Variants in DSE observed in about 807,000 individuals in gnomAD.
DSE encodes the protein dermatan sulfate epimerase.
Under a neutral mutation model 84.4 loss-of-function variants are expected in DSE, and 36 were observed. The ratio of observed to expected loss-of-function variants is 0.43; its 90% CI spans 0.33 to 0.56. The LOEUF (loss-of-function observed/expected upper bound fraction) is 0.56, where lower values mean the gene tolerates loss of function less well. Among genes scored for constraint, DSE ranks in the 20% least tolerant of loss-of-function variants. DSE has a pLI of 0.06. For synonymous variants in DSE, 410 were observed against 430.1 expected (o/e 0.95, Z 0.58); for missense variants, 862 against 1,169.6 (o/e 0.74, Z 3.84).
chr6:116,260,662 T>C (rs1481295416), intron 2 of DSE, among the ~76,000 whole-genome samples: 1 of 152,140 alleles, frequency 6.6e-6, no homozygotes. Context: ...TTTTTGTGTA[T>C]GGTATAAGGA....
intron 2 of DSE, among the ~76,000 whole-genome samples, chr6:116,355,111 T>A (rs1009157988): frequency 2.0e-5 from 3 of 152,232 alleles, no homozygotes; most frequent in African/African-American, 7.2e-5. Flanking sequence ...TTTTGCTAAT[T>A]TAAACAACAC....
At position 116,278,718 on chromosome 6, in the gene DSE, T is replaced by C. The variant is rs371415913; in HGVS notation, c.-54+19751T>C. On this transcript the variant is annotated intron_variant, in intron 2 of 3. Coordinates refer to the DSE transcript ENST00000430252. Reference sequence around the variant, plus strand: ...AAGTGAAGAAGCTGCAGATGAGGTCTTGGTTTCTGCGAATGAAGGACTGGG... The same window carrying C: ...AAGTGAAGAAGCTGCAGATGAGGTCCTGGTTTCTGCGAATGAAGGACTGGG... The C allele has an allele frequency of 4.6e-5, 75 of 1,614,150 alleles. No individual in the cohort carries two copies. The South Asian group carries it at 5.9e-4, about 13-fold the overall frequency.
chr6:116,343,833 T>C (rs1029851806), intron 2 of DSE, among the ~76,000 whole-genome samples: 2 of 152,112 alleles, frequency 1.3e-5, no homozygotes, highest in Non-Finnish European at 2.9e-5. Flanking sequence ...AATAACAAAC[T>C]TCTCTGAGCT....
intron 2 of DSE, among the ~76,000 whole-genome samples, chr6:116,363,328 T>C (rs1779004246): frequency 6.6e-6 from 1 of 151,720 alleles, no homozygotes; most frequent in Non-Finnish European, 1.5e-5. Flanking sequence ...TAATGACTGA[T>C]CAGAAAGTGA....
At chr6:116,325,640 G>C (rs1484865004) in intron 2 of DSE, among the ~76,000 whole-genome samples, 2 of 152,134 alleles carry the variant, frequency 1.3e-5, no homozygotes, top group African/African-American at 4.8e-5. Context: ...CTGTGGAATT[G>C]TCTTCTGCCC....
intron 2 of DSE, among the ~76,000 whole-genome samples, chr6:116,342,274 T>G (rs1777644584): frequency 7.5e-6 from 1 of 133,006 alleles, no homozygotes; most frequent in Non-Finnish European, 1.5e-5. Flanking sequence ...AGGCTATTAT[T>G]GTTGCTGTTT....
In DSE at chr6:116,436,771, C is replaced by G. The variant is rs192004599; in HGVS notation, c.2303C>G (p.Ala768Gly). The G allele has an allele frequency of 1.2e-5, 20 of 1,614,152 alleles. No homozygotes were observed. The highest frequency in any genetic ancestry group is 1.6e-5 in the Non-Finnish European group (19 of 1,180,022). The stretch of plus-strand genomic sequence containing the variant: ...ATACTGTCCCGAGTCCGGAACACAG[C>G]TAGCTTTAGGAAGACTGCTGAACGC... ...KQILSRVRNT[A>G]SFRKTAERLL... Residue 768 changes from alanine (A) to glycine (G), a missense_variant, in exon 6 of 6, where the codon GCT becomes GGT. Transcript: ENST00000644252.
chr6:116,305,361 T>TG (rs1330376019), intron 2 of DSE, among the ~76,000 whole-genome samples: 1 of 152,316 alleles, frequency 6.6e-6, no homozygotes, highest in East Asian at 1.9e-4. Flanking sequence ...AACATATTGT[T>TG]GCTTTAAAAG....
At chr6:116,294,528 GC>G (rs1774533182) in intron 2 of DSE, among the ~76,000 whole-genome samples, 1 of 151,664 alleles carries the variant, frequency 6.6e-6, no homozygotes, top group South Asian at 2.1e-4. Flanking sequence ...CTGAGGTCAA[GC>G]CAGGTTAATA....
At chr6:116,426,879 G>C in intron 3 of DSE, 52 bp downstream of exon 3, 1 of 1,563,978 alleles carries the variant, frequency 6.4e-7, no homozygotes, top group South Asian at 1.2e-5. Context: ...AGTCATAGTT[G>C]CCATGTTGTG....
At chr6:116,361,671 G>T (rs1312050275) in intron 2 of DSE, among the ~76,000 whole-genome samples, 1 of 151,840 alleles carries the variant, frequency 6.6e-6, no homozygotes, top group Non-Finnish European at 1.5e-5. Flanking sequence ...AGAAAAATTT[G>T]TGTGTGTGTG....
At chr6:116,353,498 A>T (rs561490014) in intron 2 of DSE, among the ~76,000 whole-genome samples, 2 of 152,314 alleles carry the variant, frequency 1.3e-5, no homozygotes, top group East Asian at 3.9e-4. Flanking sequence ...TCTTTAAATA[A>T]ACTTTGTTTC....
At chr6:116,324,533 A>G (rs1776514024) in intron 2 of DSE, among the ~76,000 whole-genome samples, 1 of 152,202 alleles carries the variant, frequency 6.6e-6, no homozygotes, top group South Asian at 2.1e-4. Context: ...GGAAAGCACA[A>G]TTGCTTTAGA....
In DSE at chr6:116,440,000, T is replaced by G. The variant is rs945468342; in HGVS notation, c.*2655T>G. On this transcript the variant is annotated 3_prime_UTR_variant, in exon 6 of 6. Transcript: ENST00000644252. ...TTTATAACTGATTAGCTTATTTCAG[T>G]TGATGGTAGATGAGACCTATGGTGG... 2.6e-5 allele frequency: 4 copies of G among 152,092 alleles called. No homozygotes were observed. Among genetic ancestry groups the G allele is most frequent in the African/African-American group, 9.6e-5 (4 of 41,474 alleles). The allele number at this position is 152,092 out of a possible 1,614,324, so 9.4% of individuals were successfully genotyped here.
chr6:116,383,039 G>A (rs950926294), intron 1 of DSE, among the ~76,000 whole-genome samples: 4 of 152,130 alleles, frequency 2.6e-5, no homozygotes, highest in Non-Finnish European at 5.9e-5. Context: ...TGAATTGGTA[G>A]GATGTGAGAT....
chr6:116,408,183 ATCT>A (rs1172180691), intron 2 of DSE, among the ~76,000 whole-genome samples: 2 of 152,208 alleles, frequency 1.3e-5, no homozygotes, highest in African/African-American at 2.4e-5. Context: ...AGGAGTGTAC[ATCT>A]TCTAGATTCG....
At chr6:116,281,720 A>G (rs532405265) in intron 2 of DSE, among the ~76,000 whole-genome samples, 1 of 152,356 alleles carries the variant, frequency 6.6e-6, no homozygotes, top group East Asian at 1.9e-4. Context: ...TACCTTACAC[A>G]GTATCCCATA....
chr6:116,289,462 G>A (rs376201464), intron 2 of DSE, among the ~76,000 whole-genome samples: 2 of 151,808 alleles, frequency 1.3e-5, no homozygotes, highest in African/African-American at 4.8e-5. Flanking sequence ...TATTTTTTAG[G>A]TAGTATTTAG....
At chr6:116,394,694 T>C (rs1781128117) in intron 1 of DSE, among the ~76,000 whole-genome samples, 1 of 152,146 alleles carries the variant, frequency 6.6e-6, no homozygotes, top group East Asian at 1.9e-4. Flanking sequence ...CTGATCCTCC[T>C]ACCTCATAGA....
Sources: gnomAD v4.1 joint callset for allele counts (sites outside exome capture counted in the v4.1 genomes callset) on GRCh38, gnomAD v4.1.1 for gene constraint, MANE v1.5 for transcripts, NCBI Gene and HGNC (gene_info 2026-07-23, HGNC 2026-07-21) for gene names.